Variants in INIP observed in about 807,000 individuals in gnomAD.
INIP encodes the protein SOSS complex subunit C.
INIP carries 9 observed loss-of-function variants against 14.0 expected under a neutral mutation model. That is an observed-to-expected ratio of 0.64 (90% CI 0.39 to 1.12). The LOEUF is 1.12. Ranked by LOEUF, INIP falls within the 50% of genes most tolerant of loss-of-function variation. The pLI is 0.01. For missense variants in INIP, 78 were observed against 122.7 expected (o/e 0.64, Z 1.72); for synonymous variants, 37 against 41.5 (o/e 0.89, Z 0.41).
chr9:112,690,025 A>G (rs1423676732), intron 3 of INIP, among the ~76,000 whole-genome samples: 2 of 152,230 alleles, frequency 1.3e-5, no homozygotes, highest in Non-Finnish European at 2.9e-5. Context: ...ACCTCCAAGA[A>G]TAAGTCTTTT....
intron 2 of INIP, among the ~76,000 whole-genome samples, chr9:112,702,956 T>C (rs1017577132): frequency 3.0e-4 from 46 of 152,224 alleles, no homozygotes; most frequent in African/African-American, 1.1e-3. Flanking sequence ...CTTGATTCAA[T>C]ATTGTTTGTA....
rs1423538679 is a variant in INIP at position 112,687,029 on chromosome 9, A to C, written c.*509T>G. The C allele has an allele frequency of 6.6e-6, 1 of 152,468 alleles. No homozygotes were observed. The highest frequency in any genetic ancestry group is 2.1e-4 in the South Asian group (1 of 4,836). The allele number at this position is 152,468 out of a possible 1,614,324, so 9.4% of individuals were successfully genotyped here. On this transcript the variant is annotated 3_prime_UTR_variant, in exon 5 of 5. Transcript: ENST00000374242. Reference sequence around the variant, plus strand: ...TAAAGTGAAAAAGGGGGAAGTAGTTATAAGTCCAGAAAGAATATTTCAGGA... The same window carrying C: ...TAAAGTGAAAAAGGGGGAAGTAGTTCTAAGTCCAGAAAGAATATTTCAGGA...
chr9:112,715,885 C>A (rs1838796818), intron 2 of INIP, among the ~76,000 whole-genome samples: 1 of 151,312 alleles, frequency 6.6e-6, no homozygotes, highest in South Asian at 2.1e-4. Flanking sequence ...AAGACACAAA[C>A]AAACACATTA....
rs76505723 is a variant in INIP, at chr9:112,690,478, A to G, written c.129-861T>C. On this transcript the variant is annotated intron_variant, in intron 3 of 4. Transcript: ENST00000374242. Reference sequence around the variant, plus strand: ...ACAGAGTGAGACCCTGTCTCAAAAAAAAGAACTATCATCCTGTAGTTCAGA... The same window carrying G: ...ACAGAGTGAGACCCTGTCTCAAAAAGAAGAACTATCATCCTGTAGTTCAGA... Among the ~76,000 whole-genome samples, 512 of 152,314 alleles carry G rather than the reference A, an allele frequency of 3.4e-3. 2 individuals carry two copies. The highest frequency in any genetic ancestry group is 0.011 in the African/African-American group (473 of 41,572).
intron 1 of INIP, among the ~76,000 whole-genome samples, chr9:112,717,556 T>C (rs1174735295): frequency 6.6e-6 from 1 of 150,594 alleles, no homozygotes; most frequent in Non-Finnish European, 1.5e-5. Context: ...ACAAACCCGC[T>C]CTTTAAAAGG....
chr9:112,704,945 A>C (rs1838410500), intron 2 of INIP, among the ~76,000 whole-genome samples: 1 of 151,982 alleles, frequency 6.6e-6, no homozygotes, highest in Non-Finnish European at 1.5e-5. Flanking sequence ...CCTCGTTTCT[A>C]CTAAAAATAA....
At chr9:112,700,573 A>G (rs1838260765) in intron 2 of INIP, among the ~76,000 whole-genome samples, 1 of 147,704 alleles carries the variant, frequency 6.8e-6, no homozygotes, top group South Asian at 2.1e-4. Context: ...AATATATAAT[A>G]TAAAGAATAT....
At chr9:112,698,612 A>ACTAT (rs1407839755) in intron 2 of INIP, among the ~76,000 whole-genome samples, 2 of 152,188 alleles carry the variant, frequency 1.3e-5, no homozygotes, top group African/African-American at 4.8e-5. Context: ...AGAAATAACA[A>ACTAT]CTATCTGGCA....
At chr9:112,690,848 C>T (rs189940633) in intron 3 of INIP, among the ~76,000 whole-genome samples, 24 of 152,274 alleles carry the variant, frequency 1.6e-4, no homozygotes, top group Admixed American at 1.2e-3. Context: ...TGGCTCAGTG[C>T]GGGGTGATGC....
intron 2 of INIP, among the ~76,000 whole-genome samples, chr9:112,711,520 AT>A (rs1320632176): frequency 6.6e-6 from 1 of 152,214 alleles, no homozygotes; most frequent in Non-Finnish European, 1.5e-5. Context: ...ATAATTTAAA[AT>A]TTATTTTCAT....
intron 3 of INIP, 53 bp from the exon 4 acceptor site, chr9:112,689,670 T>C: frequency 7.3e-7 from 1 of 1,362,092 alleles, no homozygotes. Context: ...CATCCTTACT[T>C]TTTTTTGGAT....
chr9:112,701,368 A>G (rs1168627784), intron 2 of INIP, among the ~76,000 whole-genome samples: 2 of 152,236 alleles, frequency 1.3e-5, no homozygotes, highest in African/African-American at 4.8e-5. Flanking sequence ...ATATTGCTCT[A>G]TTTACTACTT....
intron 4 of INIP, among the ~76,000 whole-genome samples, chr9:112,688,085 CAAATAAATAAATAAAT>C (rs3033103): frequency 4.8e-5 from 7 of 145,738 alleles, no homozygotes; most frequent in South Asian, 2.2e-4. Flanking sequence ...GACTCCATCT[CAAATAAATAAATAAAT>C]AAATAAATAA....
At chr9:112,705,550 A>G (rs111691762) in intron 2 of INIP, among the ~76,000 whole-genome samples, 27 of 152,202 alleles carry the variant, frequency 1.8e-4, no homozygotes, top group African/African-American at 6.5e-4. Context: ...GGCTCAAGTG[A>G]TTCTCCCACT....
At chr9:112,715,986 C>G (rs878893732) in intron 2 of INIP, among the ~76,000 whole-genome samples, 1 of 152,156 alleles carries the variant, frequency 6.6e-6, no homozygotes, top group Admixed American at 6.5e-5. Flanking sequence ...GACCACCATC[C>G]TATAAGCAGT....
chr9:112,692,124 C>T lies in INIP; in HGVS notation c.128+2007G>A, dbSNP rs905150751. Among the ~76,000 whole-genome samples, 51 of 152,276 alleles carry T rather than the reference C, an allele frequency of 3.3e-4. 1 individual carries two copies. The highest frequency in any genetic ancestry group is 3.4e-3 in the Middle Eastern group (1 of 294). ...TGCCAGATTTAACCCGGGAAGGTTA[C>T]AAGAGACCTAGGCAAGAACATTTTC... is the stretch of plus-strand genomic sequence containing the variant. On this transcript the variant is annotated intron_variant, in intron 3 of 4. Coordinates refer to ENST00000374242, the MANE Select transcript of INIP (RefSeq NM_021218.3).
chr9:112,710,437 A>G (rs1196347837), intron 2 of INIP, among the ~76,000 whole-genome samples: 1 of 152,224 alleles, frequency 6.6e-6, no homozygotes, highest in Non-Finnish European at 1.5e-5. Context: ...TAGGACCTTG[A>G]TATTTACCAA....
intron 2 of INIP, among the ~76,000 whole-genome samples, chr9:112,701,480 G>A (rs1161015529): frequency 6.6e-6 from 1 of 152,168 alleles, no homozygotes; most frequent in African/African-American, 2.4e-5. Flanking sequence ...TACAACAGAC[G>A]TTTCCCTAAA....
intron 2 of INIP, among the ~76,000 whole-genome samples, chr9:112,707,551 T>C (rs1418083563): frequency 6.6e-6 from 1 of 151,926 alleles, no homozygotes; most frequent in Non-Finnish European, 1.5e-5. Context: ...ACTAAAAACA[T>C]TCTCAAGTAA....
Sources: gnomAD v4.1 joint callset for allele counts (sites outside exome capture counted in the v4.1 genomes callset) on GRCh38, gnomAD v4.1.1 for gene constraint, MANE v1.5 for transcripts, NCBI Gene and HGNC (gene_info 2026-07-23, HGNC 2026-07-21) for gene names.